The following PHF20 variants were observed in gnomAD, a reference collection of about 807,000 sequenced individuals.
PHF20 encodes the protein glioma-expressed antigen 2.
A neutral mutation model predicts 113.5 loss-of-function variants in PHF20; 23 were observed. The ratio of observed to expected loss-of-function variants is 0.20; its 90% CI spans 0.15 to 0.29. The LOEUF (loss-of-function observed/expected upper bound fraction) is 0.29. Among genes scored for constraint, PHF20 ranks in the 10% least tolerant of loss-of-function variants. PHF20 has a pLI of 1.00. For synonymous variants in PHF20, 434 were observed against 457.3 expected, an observed-to-expected ratio of 0.95 and a Z score of 0.65; for missense variants, 943 against 1,219.6, an observed-to-expected ratio of 0.77 and a Z score of 3.38.
intron 1 of PHF20, among the ~76,000 whole-genome samples, chr20:35,790,491 G>A (rs927198764): frequency 2.6e-5 from 4 of 152,098 alleles, no homozygotes; most frequent in African/African-American, 9.7e-5. Flanking sequence ...GTGAGCCACC[G>A]GGCCTGACCT....
chr20:35,928,434 C>T (rs1485338847), intron 14 of PHF20: 3 of 73,596 alleles, frequency 4.1e-5, no homozygotes, highest in Non-Finnish European at 6.8e-5. Flanking sequence ...AGCGAAACTT[C>T]GTCTCAAAAA....
Position 35,863,485 on chromosome 20 carries a change from T to C in PHF20, c.808+85T>C, listed in dbSNP as rs568355175. On this transcript the variant is annotated intron_variant, in intron 6 of 17. Transcript: ENST00000374012. Reference sequence around the variant, plus strand: ...TGTGGTTCTTTGTAACTTGTGTACGTCAATCGTTTATTTTTGTGACTGATT... The same window carrying C: ...TGTGGTTCTTTGTAACTTGTGTACGCCAATCGTTTATTTTTGTGACTGATT... 8.4e-6 allele frequency: 11 copies of C among 1,314,974 alleles called. No individual in the cohort carries two copies. In the Admixed American group the frequency reaches 2.6e-4, roughly 31 times the overall value. 81.5% of individuals were successfully genotyped at this position (1,314,974 alleles called of 1,614,324 possible).
intron 2 of PHF20, among the ~76,000 whole-genome samples, chr20:35,822,022 C>G (rs567653216): frequency 2.0e-5 from 3 of 152,218 alleles, no homozygotes; most frequent in Admixed American, 6.5e-5. Flanking sequence ...ATATGAGATT[C>G]CTTTGAGATG....
intron 1 of PHF20, among the ~76,000 whole-genome samples, chr20:35,773,072 C>T (rs991327368): frequency 6.6e-6 from 1 of 152,176 alleles, no homozygotes; most frequent in Non-Finnish European, 1.5e-5. Flanking sequence ...CACGTGTTCC[C>T]CAAATCAAAC....
chr20:35,823,297 GC>G (rs1309017552), intron 2 of PHF20, among the ~76,000 whole-genome samples: 1 of 151,718 alleles, frequency 6.6e-6, no homozygotes, highest in Admixed American at 6.6e-5. Flanking sequence ...GTTCACGCAA[GC>G]CCCACCACAA....
chr20:35,903,553 A>G (rs1452950191), intron 10 of PHF20, among the ~76,000 whole-genome samples: 1 of 151,970 alleles, frequency 6.6e-6, no homozygotes, highest in Non-Finnish European at 1.5e-5. Flanking sequence ...GAAGGAATGT[A>G]CCCCCATCCA....
At chr20:35,811,150 G>A (rs2041970378) in intron 2 of PHF20, among the ~76,000 whole-genome samples, 1 of 151,902 alleles carries the variant, frequency 6.6e-6, no homozygotes, top group Admixed American at 6.6e-5. Flanking sequence ...GGGTTCAAGC[G>A]ATTCTCCTGC....
chr20:35,827,940 C>T (rs1225098668), intron 2 of PHF20, among the ~76,000 whole-genome samples: 2 of 152,152 alleles, frequency 1.3e-5, no homozygotes, highest in South Asian at 4.1e-4. Flanking sequence ...CTTAAGTCTT[C>T]ATGGCATGAT....
chr20:35,804,475 A>G (rs1346227971), intron 2 of PHF20, among the ~76,000 whole-genome samples: 4 of 151,822 alleles, frequency 2.6e-5, no homozygotes, highest in Non-Finnish European at 4.4e-5. Flanking sequence ...TGACCTCGTG[A>G]TCCACCCTCC....
At chr20:35,920,151 T>C (rs2055484958) in intron 13 of PHF20, among the ~76,000 whole-genome samples, 1 of 152,224 alleles carries the variant, frequency 6.6e-6, no homozygotes, top group African/African-American at 2.4e-5. Flanking sequence ...TCCCTAACCC[T>C]GGAAACACTA....
chr20:35,780,221 CTTTTTTTTTTT>C (rs930285446), intron 1 of PHF20, among the ~76,000 whole-genome samples: 3 of 123,270 alleles, frequency 2.4e-5, no homozygotes, highest in East Asian at 2.3e-4. Context: ...CCCCAGATTT[CTTTTTTTTTTT>C]TTTTTTTTTT....
intron 17 of PHF20, among the ~76,000 whole-genome samples, chr20:35,945,837 G>C (rs2056075101): frequency 6.6e-6 from 1 of 152,136 alleles, no homozygotes; most frequent in South Asian, 2.1e-4. Context: ...TTGAACCAAT[G>C]ATGATAATGT....
chr20:35,896,460 G>A (rs2054986249), intron 9 of PHF20, among the ~76,000 whole-genome samples: 1 of 152,098 alleles, frequency 6.6e-6, no homozygotes, highest in South Asian at 2.1e-4. Context: ...GTGATTTTTT[G>A]TTGGTGGGAA....
chr20:35,857,242 G>A (rs10485510), intron 4 of PHF20, among the ~76,000 whole-genome samples: 15,245 of 152,234 alleles, frequency 0.1, 817 homozygotes, highest in South Asian at 0.16. Flanking sequence ...TTGGCTCTAA[G>A]ATGCAAAATT....
chr20:35,835,121 A>C (rs567822985), intron 2 of PHF20, among the ~76,000 whole-genome samples: 1 of 152,142 alleles, frequency 6.6e-6, no homozygotes, highest in Non-Finnish European at 1.5e-5. Flanking sequence ...TTAAAAATAT[A>C]AAAATTAGCT....
intron 5 of PHF20, among the ~76,000 whole-genome samples, chr20:35,861,308 A>G (rs2054214349): frequency 6.6e-6 from 1 of 152,202 alleles, no homozygotes; most frequent in Non-Finnish European, 1.5e-5. Flanking sequence ...TCCATCAAAC[A>G]GATATCATTG....
intron 12 of PHF20, among the ~76,000 whole-genome samples, chr20:35,915,644 C>T (rs1285738551): frequency 4.6e-5 from 7 of 152,124 alleles, no homozygotes; most frequent in African/African-American, 1.7e-4. Context: ...TTCGACCTCC[C>T]AAAGTGCTGG....
At position 35,916,945 on chromosome 20, in the gene PHF20, G is replaced by A. The variant is rs576662091; in HGVS notation, c.1826-539G>A. Among the ~76,000 whole-genome samples, 3 of 152,040 alleles carry A rather than the reference G, an allele frequency of 2.0e-5. No individual in the cohort carries two copies. In the South Asian group the frequency reaches 6.2e-4, roughly 32 times the overall value. On this transcript the variant is annotated intron_variant, in intron 12 of 17. Coordinates refer to ENST00000374012, the MANE Select transcript of PHF20 (RefSeq NM_016436.5). ...CCCAGCTAATTTTTTTTTTCTTTTA[G>A]TGGAGATGGGGTTTTGCCATGTTGC...
rs1246477409 is a variant in PHF20, at chr20:35,850,341, C to T, written c.340+2907C>T. Among the ~76,000 whole-genome samples, 15 of 103,456 alleles carry T rather than the reference C, an allele frequency of 1.4e-4. No homozygotes were observed. In the Admixed American group the frequency reaches 1.8e-3, roughly 12 times the overall value. The allele number at this position is 103,456 out of a possible 152,430, so 67.9% of individuals were successfully genotyped here. A position where few individuals can be genotyped will look rare whatever the true frequency, so the allele number is the denominator to read the frequency against. ...TTTTTTTTTTGGTGACAGAATCTTG[C>T]TCTGTTGTCCAGGCTGGAGTGCAGT... On this transcript the variant is annotated intron_variant, in intron 4 of 17. Coordinates refer to ENST00000374012, the MANE Select transcript of PHF20 (RefSeq NM_016436.5).
Sources: gnomAD v4.1 joint callset for allele counts (sites outside exome capture counted in the v4.1 genomes callset) on GRCh38, gnomAD v4.1.1 for gene constraint, MANE v1.5 for transcripts, NCBI Gene and HGNC (gene_info 2026-07-23, HGNC 2026-07-21) for gene names.